PPP4R4: variants seen among roughly 807,000 people sequenced by gnomAD.
PPP4R4 encodes serine/threonine-protein phosphatase 4 regulatory subunit 4.
PPP4R4 carries 70 observed loss-of-function variants against 121.8 expected under a neutral mutation model. That is an observed-to-expected ratio of 0.57 (90% CI 0.47 to 0.70). The LOEUF is 0.70. PPP4R4 is among the 30% of genes least tolerant of loss of function. The probability of loss-of-function intolerance (pLI) is 0.00; values close to 1 mark genes in which losing one functional copy is unlikely to be tolerated. For missense variants in PPP4R4, 875 were observed against 1,033.6 expected (o/e 0.85, Z 2.10); for synonymous variants, 348 against 355.7 (o/e 0.98, Z 0.24).
intron 23 of PPP4R4, among the ~76,000 whole-genome samples, chr14:94,271,381 T>C (rs913557915): frequency 6.6e-6 from 1 of 152,200 alleles, no homozygotes; most frequent in African/African-American, 2.4e-5. Context: ...CTTAATGTAA[T>C]ACATCACACT....
At chr14:94,257,633 A>G (rs900840972) in intron 17 of PPP4R4, among the ~76,000 whole-genome samples, 2 of 100,448 alleles carry the variant, frequency 2.0e-5, no homozygotes, top group Non-Finnish European at 3.9e-5. Flanking sequence ...TTGCACATGC[A>G]TTTAAATCTA....
chr14:94,189,548 A>G (rs1033704), intron 2 of PPP4R4, among the ~76,000 whole-genome samples: 116,194 of 152,038 alleles, frequency 0.76, 45,245 homozygotes, highest in Admixed American at 0.84. Flanking sequence ...GTCAGATTAT[A>G]CACTCTGGAT....
At position 94,174,359 on chromosome 14, in the gene PPP4R4, AGCGGCCAAGAGCC is replaced by A; in HGVS notation, c.-105_-93del. ...GCCTGGCAGCCTCACGCTCGGCTCCAGCGGCCAAGAGCCGGAGAAAGTCCTGCTGGTGGGCGGC... is the reference window on the plus strand; with the variant it reads ...GCCTGGCAGCCTCACGCTCGGCTCCAGGAGAAAGTCCTGCTGGTGGGCGGC... On this transcript the variant is annotated 5_prime_UTR_variant, in exon 1 of 25. Transcript: ENST00000304338. The A allele has an allele frequency of 9.8e-7, 1 of 1,020,030 alleles. No individual in the cohort carries two copies. Among genetic ancestry groups the A allele is most frequent in the Non-Finnish European group, 1.3e-6 (1 of 792,246 alleles). The allele number at this position is 1,020,030 out of a possible 1,614,324, so 63.2% of individuals were successfully genotyped here.
chr14:94,198,779 TATC>T (rs1204709674), intron 2 of PPP4R4, among the ~76,000 whole-genome samples: 2 of 152,240 alleles, frequency 1.3e-5, no homozygotes, highest in East Asian at 3.8e-4. Flanking sequence ...TTGAAAAGAT[TATC>T]ATCTCCTCAT....
Position 94,265,444 on chromosome 14 carries a change from C to T in PPP4R4, c.2255C>T (p.Pro752Leu). 1.2e-6 allele frequency: 2 copies of T among 1,612,600 alleles called. No individual in the cohort carries two copies. Among genetic ancestry groups the T allele is most frequent in the South Asian group, 2.2e-5 (2 of 91,032 alleles). The change falls in exon 21 of 25, where the codon CCT becomes CTT. Residue 752 changes from proline (P) to leucine (L), a missense_variant. By Grantham distance (98) the Pro-to-Leu change is moderately conservative. Coordinates refer to ENST00000304338, the MANE Select transcript of PPP4R4 (RefSeq NM_058237.2). Reference protein sequence around the residue: ...SLPKNIPISVPGPSSVTPSTS... With the variant: ...SLPKNIPISVLGPSSVTPSTS... ...CCCAAGAACATCCCCATTTCTGTTCCTGGACCCTCTTCTGTCACCCCATCG... is the reference window on the plus strand; with the variant it reads ...CCCAAGAACATCCCCATTTCTGTTCTTGGACCCTCTTCTGTCACCCCATCG...
intron 2 of PPP4R4, among the ~76,000 whole-genome samples, chr14:94,185,620 G>GT (rs1423873883): frequency 3.9e-5 from 6 of 152,200 alleles, no homozygotes; most frequent in African/African-American, 1.4e-4. Flanking sequence ...GTAGTGTTCA[G>GT]TAAAGGATAG....
At chr14:94,225,173 C>T (rs892845402) in intron 3 of PPP4R4, among the ~76,000 whole-genome samples, 13 of 152,068 alleles carry the variant, frequency 8.5e-5, no homozygotes, top group Admixed American at 5.2e-4. Context: ...TAAAGGCAGA[C>T]GAGGTAACTC....
chr14:94,229,879 C>T (rs766717496), intron 3 of PPP4R4, among the ~76,000 whole-genome samples: 1 of 152,104 alleles, frequency 6.6e-6, no homozygotes, highest in African/African-American at 2.4e-5. Flanking sequence ...TAGAGAAGTA[C>T]AGTAATATCT....
In PPP4R4 at chr14:94,174,541, GA is replaced by G; in HGVS notation, c.77del (p.Glu26GlyfsTer19). On this transcript the variant is annotated frameshift_variant, in exon 1 of 25. Coordinates refer to ENST00000304338, the MANE Select transcript of PPP4R4 (RefSeq NM_058237.2). LOFTEE classifies it high-confidence loss of function. ...GTTCGGTTACATGGAGGACCTGCAG[GA>G]GCTCACCATCATCGAGAGGCCGGTC... ...SLFGYMEDLQ[E>X]LTIIERPVRR... 6.2e-7 allele frequency: 1 copy of G among 1,612,572 alleles called. No individual in the cohort carries two copies. The highest frequency in any genetic ancestry group is 8.5e-7 in the Non-Finnish European group (1 of 1,179,300).
At position 94,244,648 on chromosome 14, in the gene PPP4R4, T is replaced by C; in HGVS notation, c.1280T>C (p.Leu427Pro). Residue 427 changes from leucine to proline, a missense_variant, in exon 12 of 25, where the codon CTG (leucine) becomes CCG (proline). Physicochemically the swap from Leu to Pro is moderately conservative, Grantham distance 98. Transcript: ENST00000304338. ...GCTATATTTTAGGTATCTAAGCTTC[T>C]GAATTCTGGAGTATATTTAATACAT... Reference protein sequence around the residue: ...AICFYEVSKLLNSGVYLIHKE... With the variant: ...AICFYEVSKLPNSGVYLIHKE... The C allele has an allele frequency of 6.7e-7, 1 of 1,500,946 alleles. No homozygotes were observed. Among genetic ancestry groups the C allele is most frequent in the Non-Finnish European group, 9.1e-7 (1 of 1,104,524 alleles). The allele number at this position is 1,500,946 out of a possible 1,614,324, so 93.0% of individuals were successfully genotyped here. A position where few individuals can be genotyped will look rare whatever the true frequency, so the allele number is the denominator to read the frequency against.
chr14:94,273,492 T>G (rs1339259775), intron 23 of PPP4R4, among the ~76,000 whole-genome samples: 1 of 152,044 alleles, frequency 6.6e-6, no homozygotes, highest in East Asian at 1.9e-4. Context: ...CACAGATAAT[T>G]TTTAGGGCAG....
chr14:94,204,928 A>G (rs1234451467), intron 2 of PPP4R4, among the ~76,000 whole-genome samples: 1 of 152,172 alleles, frequency 6.6e-6, no homozygotes, highest in Non-Finnish European at 1.5e-5. Flanking sequence ...GTGATGGAGT[A>G]CATTGATTTT....
intron 3 of PPP4R4, chr14:94,227,527 AC>A (rs1891785206): frequency 1.5e-6 from 2 of 1,325,606 alleles, no homozygotes; most frequent in African/African-American, 3.0e-5. Context: ...CAAGAGAAAA[AC>A]CCAAATCCTG....
At chr14:94,215,273 T>C (rs1890962033) in intron 3 of PPP4R4, among the ~76,000 whole-genome samples, 1 of 152,128 alleles carries the variant, frequency 6.6e-6, no homozygotes, top group Non-Finnish European at 1.5e-5. Flanking sequence ...TATTGGGAGA[T>C]TTCTAGGAAG....
intron 2 of PPP4R4, among the ~76,000 whole-genome samples, chr14:94,205,821 T>C (rs556876727): frequency 6.6e-6 from 1 of 152,166 alleles, no homozygotes; most frequent in East Asian, 1.9e-4. Flanking sequence ...TACTAACTTC[T>C]AGTTTGATTC....
intron 3 of PPP4R4, among the ~76,000 whole-genome samples, chr14:94,215,498 A>G (rs1890974600): frequency 6.6e-6 from 1 of 152,218 alleles, no homozygotes; most frequent in Non-Finnish European, 1.5e-5. Context: ...GATCATAAAA[A>G]GCCCACAATA....
rs887040022 is a variant in PPP4R4, at chr14:94,241,813, G to C, written c.1002G>C (p.Leu334Phe). The change falls in exon 10 of 25, where the codon TTG (leucine) becomes TTC (phenylalanine). Residue 334 changes from leucine (L) to phenylalanine (F), a missense_variant. Physicochemically the swap from Leu to Phe is conservative, Grantham distance 22. Coordinates refer to ENST00000304338, the MANE Select transcript of PPP4R4 (RefSeq NM_058237.2). ...GAATTTTCACTCCAGATCAGCACTT[G>C]AGATTTTTGGAATTTTATAAGAAAC... ...LYGIFTPDQH[L>F]RFLEFYKKLC... is the part of the protein sequence containing the mutation. 5.0e-6 allele frequency: 8 copies of C among 1,594,782 alleles called. No individual in the cohort carries two copies. The highest frequency in any genetic ancestry group is 6.8e-6 in the Non-Finnish European group (8 of 1,174,656).
chr14:94,233,548 C>T (rs1177022638), intron 5 of PPP4R4, 105 bp from the exon 6 acceptor site: 3 of 690,746 alleles, frequency 4.3e-6, no homozygotes, highest in African/African-American at 1.8e-5. Flanking sequence ...AATTCAGGTT[C>T]TTTAAAAACA....
In PPP4R4 at chr14:94,235,560, C is replaced by T. The variant is rs370704769; in HGVS notation, c.731+891C>T. Among the ~76,000 whole-genome samples the T allele has an allele frequency of 6.4e-3, 978 of 151,826 alleles. 6 individuals carry two copies. The highest frequency in any genetic ancestry group is 0.044 in the Middle Eastern group (13 of 294). On this transcript the variant is annotated intron_variant, in intron 7 of 24. Coordinates refer to ENST00000304338, the MANE Select transcript of PPP4R4 (RefSeq NM_058237.2). ...GACTACAGGTGCCCACCACCACGCC[C>T]GGCTAATTTTTTGTATTTTTAGTAG...
Sources: gnomAD v4.1 joint callset for allele counts (sites outside exome capture counted in the v4.1 genomes callset) on GRCh38, gnomAD v4.1.1 for gene constraint, MANE v1.5 for transcripts, NCBI Gene and HGNC (gene_info 2026-07-23, HGNC 2026-07-21) for gene names.